The following GPHN variants were observed in gnomAD, a reference collection of about 807,000 sequenced individuals.
GPHN encodes the protein gephyrin.
Under a neutral mutation model 95.5 loss-of-function variants are expected in GPHN, and 17 were observed. The ratio of observed to expected loss-of-function variants is 0.18; its 90% CI spans 0.12 to 0.27. The LOEUF (loss-of-function observed/expected upper bound fraction) is 0.27. Ranked by LOEUF, GPHN falls within the 10% of genes least tolerant of loss-of-function variation. The pLI is 1.00. For synonymous variants in GPHN, 320 were observed against 322.5 expected, an observed-to-expected ratio of 0.99 and a Z score of 0.08; for missense variants, 660 against 978.1, an observed-to-expected ratio of 0.67 and a Z score of 4.34.
chr14:67,071,059 G>A (rs982643361), intron 11 of GPHN, among the ~76,000 whole-genome samples: 1 of 152,132 alleles, frequency 6.6e-6, no homozygotes, highest in African/African-American at 2.4e-5. Flanking sequence ...TTCAACCATT[G>A]TGGAAGATAG....
the GPHN span, among the ~76,000 whole-genome samples, chr14:67,388,783 G>A: frequency 3.9e-5 from 6 of 152,050 alleles, no homozygotes; most frequent in African/African-American, 1.2e-4. Context: ...AGGTTCAAGC[G>A]ATTCTCCTGC....
At chr14:66,830,584 A>C (rs2061546635) in intron 4 of GPHN, among the ~76,000 whole-genome samples, 1 of 152,090 alleles carries the variant, frequency 6.6e-6, no homozygotes, top group South Asian at 2.1e-4. Context: ...ATACCAGGAA[A>C]CTGTAAATTT....
At chr14:67,697,369 G>A in the GPHN span, among the ~76,000 whole-genome samples, 1 of 152,164 alleles carries the variant, frequency 6.6e-6, no homozygotes, top group African/African-American at 2.4e-5. Flanking sequence ...ATAGACAAGA[G>A]TGTGCTGAGC....
the GPHN span, among the ~76,000 whole-genome samples, chr14:67,243,634 A>G: frequency 2.4e-4 from 36 of 151,336 alleles, no homozygotes; most frequent in African/African-American, 8.5e-4. Context: ...TTGGGACTAC[A>G]GGTGCCCGCC....
chr14:67,504,343 A>G, the GPHN span, among the ~76,000 whole-genome samples: 1 of 152,246 alleles, frequency 6.6e-6, no homozygotes, highest in Non-Finnish European at 1.5e-5. Context: ...GAGAAAATAT[A>G]AGTACGTTCC....
intron 8 of GPHN, among the ~76,000 whole-genome samples, chr14:66,926,175 T>C (rs749279255): frequency 1.3e-5 from 2 of 152,214 alleles, no homozygotes; most frequent in Non-Finnish European, 2.9e-5. Context: ...TTGCAAATAT[T>C]TTCTCCCATA....
chr14:66,960,258 T>C (rs2153584145), intron 8 of GPHN, among the ~76,000 whole-genome samples: 1 of 147,892 alleles, frequency 6.8e-6, no homozygotes, highest in South Asian at 2.1e-4. Flanking sequence ...AGAGACAGTT[T>C]CCGTTCATTT....
chr14:66,866,192 A>G (rs111964211), intron 4 of GPHN, among the ~76,000 whole-genome samples: 2,379 of 152,246 alleles, frequency 0.016, 32 homozygotes, highest in Non-Finnish European at 0.018. Flanking sequence ...TCACCATATT[A>G]TGCATTAGAT....
intron 2 of GPHN, among the ~76,000 whole-genome samples, chr14:66,767,139 C>T (rs903606967): frequency 2.0e-5 from 3 of 151,838 alleles, no homozygotes; most frequent in Non-Finnish European, 2.9e-5. Flanking sequence ...TTCAAGATGC[C>T]TATTACGCAT....
intron 18 of GPHN, among the ~76,000 whole-genome samples, chr14:67,152,062 T>G (rs1175354822): frequency 1.3e-5 from 2 of 152,222 alleles, no homozygotes; most frequent in East Asian, 3.8e-4. Context: ...AAAGTTTAAC[T>G]TTTTATAGAT....
chr14:66,633,072 C>T (rs1198577553), intron 1 of GPHN, among the ~76,000 whole-genome samples: 1 of 152,084 alleles, frequency 6.6e-6, no homozygotes, highest in Non-Finnish European at 1.5e-5. Flanking sequence ...TTGTGTACTG[C>T]CTTGTGTAGT....
chr14:67,717,096 G>GTA, the GPHN span, among the ~76,000 whole-genome samples: 9,833 of 151,956 alleles, frequency 0.065, 1,003 homozygotes, highest in African/African-American at 0.22. Context: ...ACTTCAGCAT[G>GTA]TATATATATC....
the GPHN span, chr14:67,615,847 TG>T: frequency 1.6e-6 from 1 of 621,636 alleles, no homozygotes; most frequent in South Asian, 1.6e-5. Flanking sequence ...GCCTGTCCAT[TG>T]GTGATTCGGC....
chr14:67,045,966 G>C (rs1364943902), intron 10 of GPHN, among the ~76,000 whole-genome samples: 3 of 152,078 alleles, frequency 2.0e-5, no homozygotes, highest in Admixed American at 6.5e-5. Flanking sequence ...CTGGCAAGTT[G>C]GTTTCTGGAC....
chr14:67,159,306 A>G lies in GPHN; in HGVS notation c.1837-109A>G, dbSNP rs114487363. On this transcript the variant is annotated intron_variant, in intron 18 of 22. Coordinates refer to ENST00000478722, the MANE Select transcript of GPHN (RefSeq NM_020806.5). ...AGCAAATCAACTCCATTAAAATAAG[A>G]AAGATGTTTCTTTTCATTTCAATCT... 1.4e-3 allele frequency: 1,081 copies of G among 777,580 alleles called. 20 individuals carry two copies. Among genetic ancestry groups the G allele is most frequent in the East Asian group, 8.4e-3 (328 of 38,910 alleles). The allele number at this position is 777,580 out of a possible 1,614,324, so 48.2% of individuals were successfully genotyped here. A position where few individuals can be genotyped will look rare whatever the true frequency, so the allele number is the denominator to read the frequency against.
At chr14:66,853,215 T>G (rs1051668956) in intron 4 of GPHN, among the ~76,000 whole-genome samples, 3 of 152,214 alleles carry the variant, frequency 2.0e-5, no homozygotes, top group Non-Finnish European at 2.9e-5. Context: ...TTATACTAAT[T>G]TATTTTGAAA....
chr14:66,741,002 A>G (rs1263427004), intron 2 of GPHN, among the ~76,000 whole-genome samples: 1 of 152,200 alleles, frequency 6.6e-6, no homozygotes, highest in Non-Finnish European at 1.5e-5. Flanking sequence ...GGCAGAAGGA[A>G]GAAGGGCAAG....
chr14:67,530,362 G>A, the GPHN span, among the ~76,000 whole-genome samples: 1 of 152,144 alleles, frequency 6.6e-6, no homozygotes, highest in South Asian at 2.1e-4. Flanking sequence ...CCACTTAAGT[G>A]ATAAAGCTTA....
intron 1 of GPHN, among the ~76,000 whole-genome samples, chr14:66,547,139 G>T (rs1295250040): frequency 6.6e-6 from 1 of 152,116 alleles, no homozygotes; most frequent in Non-Finnish European, 1.5e-5. Context: ...GTGGTGGGAA[G>T]AATTAGAATT....
Sources: allele counts gnomAD v4.1 joint callset (sites outside exome capture counted in the v4.1 genomes callset), GRCh38; gene constraint gnomAD v4.1.1; transcripts MANE v1.5; gene names NCBI Gene and HGNC (gene_info 2026-07-23, HGNC 2026-07-21).